Variants in C1QTNF7 observed in about 807,000 individuals in gnomAD.
C1QTNF7 encodes the protein C1q and TNF related 7.
C1QTNF7 carries 15 observed loss-of-function variants against 19.6 expected under a neutral mutation model. That is an observed-to-expected ratio of 0.76 (90% CI 0.51 to 1.18). The LOEUF (loss-of-function observed/expected upper bound fraction) is 1.18. C1QTNF7 is among the 50% of genes most tolerant of loss of function. The pLI is 0.00. For missense variants in C1QTNF7, 324 were observed against 359.7 expected (o/e 0.90, Z 0.80); for synonymous variants, 142 against 137.5 (o/e 1.03, Z -0.23).
In C1QTNF7 at chr4:15,414,799, TAAAGTA is replaced by T. The variant is rs765190518; in HGVS notation, c.14-20934_14-20929del. Among the ~76,000 whole-genome samples, 1,236 of 152,164 alleles carry T rather than the reference TAAAGTA, an allele frequency of 8.1e-3. 5 individuals are homozygous for T. Among genetic ancestry groups the T allele is most frequent in the Non-Finnish European group, 0.012 (820 of 67,994 alleles). On this transcript the variant is annotated intron_variant, in intron 1 of 2. Coordinates refer to the C1QTNF7 transcript ENST00000295297. ...AGAGTTGTTCTATTTTTTTTTCTAT[TAAAGTA>T]AATGTTTTCATGAACTCACAAAATG...
At chr4:15,413,549 A>C (rs1440733315) in intron 1 of C1QTNF7, among the ~76,000 whole-genome samples, 1 of 152,214 alleles carries the variant, frequency 6.6e-6, no homozygotes, top group African/African-American at 2.4e-5. Flanking sequence ...GTGAGACCCA[A>C]TCTAGAGCTC....
intron 1 of C1QTNF7, among the ~76,000 whole-genome samples, chr4:15,429,543 A>T (rs1213698282): frequency 1.3e-5 from 2 of 152,296 alleles, no homozygotes; most frequent in Non-Finnish European, 2.9e-5. Flanking sequence ...AGGGTTCCTC[A>T]TGTTGTAGCA....
intron 1 of C1QTNF7, among the ~76,000 whole-genome samples, chr4:15,421,560 TA>T (rs34573068): frequency 0.26 from 40,206 of 152,086 alleles, 6,299 homozygotes; most frequent in Middle Eastern, 0.37. Flanking sequence ...TTATTTCAAT[TA>T]ATTTTTACAA....
At chr4:15,344,113 C>G (rs978726326) in intron 1 of C1QTNF7, among the ~76,000 whole-genome samples, 2 of 152,206 alleles carry the variant, frequency 1.3e-5, no homozygotes, top group Non-Finnish European at 2.9e-5. Flanking sequence ...ACTGAGAGAA[C>G]AGCGTGGAAA....
intron 1 of C1QTNF7, among the ~76,000 whole-genome samples, chr4:15,430,934 T>C (rs1429981189): frequency 6.6e-6 from 1 of 152,016 alleles, no homozygotes; most frequent in Non-Finnish European, 1.5e-5. Context: ...AAATTGAACC[T>C]CAAAAAATAT....
intron 1 of C1QTNF7, among the ~76,000 whole-genome samples, chr4:15,396,704 T>C (rs1048464526): frequency 6.6e-6 from 1 of 151,926 alleles, no homozygotes; most frequent in Non-Finnish European, 1.5e-5. Flanking sequence ...ACCCTGAGAG[T>C]TCCTCAGAAC....
intron 2 of C1QTNF7, among the ~76,000 whole-genome samples, chr4:15,436,643 T>C (rs1257605062): frequency 2.0e-5 from 3 of 152,246 alleles, no homozygotes; most frequent in Non-Finnish European, 4.4e-5. Flanking sequence ...TGCCCACTAG[T>C]CCTTCAGTAA....
chr4:15,441,953 G>A (rs13120744), intron 2 of C1QTNF7, among the ~76,000 whole-genome samples: 41,933 of 151,766 alleles, frequency 0.28, 6,714 homozygotes, highest in East Asian at 0.37. Flanking sequence ...CCCGGAAGGC[G>A]GAGGTTGCAG....
chr4:15,397,973 C>G (rs781092603), intron 1 of C1QTNF7, among the ~76,000 whole-genome samples: 6 of 152,252 alleles, frequency 3.9e-5, no homozygotes, highest in Non-Finnish European at 8.8e-5. Flanking sequence ...CTCACCTCCC[C>G]TCCTCCTGTA....
intron 1 of C1QTNF7, among the ~76,000 whole-genome samples, chr4:15,359,215 T>C (rs1180228169): frequency 2.0e-5 from 3 of 152,086 alleles, no homozygotes; most frequent in East Asian, 1.9e-4. Flanking sequence ...CACCAACCAG[T>C]ATCCTTGTGC....
Position 15,442,577 on chromosome 4 carries a change from C to A in C1QTNF7, c.648C>A (p.Tyr216Ter). The A allele has an allele frequency of 6.2e-7, 1 of 1,614,140 alleles. No individual in the cohort carries two copies. The highest frequency in any genetic ancestry group is 8.5e-7 in the Non-Finnish European group (1 of 1,180,032). The change falls in exon 3 of 3, where the codon TAC becomes TAA. Residue 216 changes from tyrosine to a stop codon, truncating the protein, a stop_gained. Coordinates refer to ENST00000444304, the MANE Select transcript of C1QTNF7 (RefSeq NM_031911.5). LOFTEE classifies it high-confidence loss of function. Reference protein sequence around the residue: ...LAIGLVHNGQYRIKTFDANTG... With the variant: ...LAIGLVHNGQ ...TCGGACTGGTACACAATGGGCAATA[C>A]CGGATAAAGACCTTCGACGCCAACA...
intron 1 of C1QTNF7, among the ~76,000 whole-genome samples, chr4:15,434,405 G>T (rs1712446957): frequency 6.6e-6 from 1 of 152,030 alleles, no homozygotes; most frequent in South Asian, 2.1e-4. Context: ...TGTGTGCCTG[G>T]TCAATTTTCT....
chr4:15,436,744 C>T (rs957809349), intron 2 of C1QTNF7, among the ~76,000 whole-genome samples: 3 of 152,160 alleles, frequency 2.0e-5, no homozygotes, highest in Non-Finnish European at 4.4e-5. Flanking sequence ...AAATTCTAGA[C>T]AGGCTGTGTT....
chr4:15,371,964 G>A (rs768149991), intron 1 of C1QTNF7, among the ~76,000 whole-genome samples: 7 of 152,160 alleles, frequency 4.6e-5, no homozygotes, highest in South Asian at 4.1e-4. Context: ...TCAGAATCTC[G>A]GAGAAAAGAG....
chr4:15,412,997 G>T (rs1404085239), intron 1 of C1QTNF7, among the ~76,000 whole-genome samples: 1 of 152,190 alleles, frequency 6.6e-6, no homozygotes, highest in Non-Finnish European at 1.5e-5. Context: ...ACAGAGATGA[G>T]AAAACTGAGG....
At chr4:15,440,497 T>G (rs974758454) in intron 2 of C1QTNF7, among the ~76,000 whole-genome samples, 1 of 147,776 alleles carries the variant, frequency 6.8e-6, no homozygotes, top group Non-Finnish European at 1.5e-5. Context: ...AACCTCCGCC[T>G]CCCGGGTTCA....
chr4:15,370,049 TGAA>T (rs1203690732), intron 1 of C1QTNF7, among the ~76,000 whole-genome samples: 1 of 152,180 alleles, frequency 6.6e-6, no homozygotes, highest in Non-Finnish European at 1.5e-5. Context: ...TGGTAAAAAC[TGAA>T]GAAGGTCTGT....
intron 1 of C1QTNF7, chr4:15,358,657 T>G (rs1056000603): frequency 6.6e-6 from 1 of 151,696 alleles, no homozygotes; most frequent in African/African-American, 2.4e-5. Flanking sequence ...ATCCAGAATG[T>G]TTTTTATGTA....
intron 1 of C1QTNF7, among the ~76,000 whole-genome samples, chr4:15,359,030 C>T (rs1717245912): frequency 6.6e-6 from 1 of 152,126 alleles, no homozygotes; most frequent in Non-Finnish European, 1.5e-5. Context: ...TGGGCATGCA[C>T]CAGGGGCTTG....
Sources: gnomAD v4.1 joint callset for allele counts (sites outside exome capture counted in the v4.1 genomes callset) on GRCh38, gnomAD v4.1.1 for gene constraint, MANE v1.5 for transcripts, NCBI Gene and HGNC (gene_info 2026-07-23, HGNC 2026-07-21) for gene names.